NOL4L: variants seen among roughly 807,000 people sequenced by gnomAD.
NOL4L encodes nucleolar protein 4-like.
A neutral mutation model predicts 64.5 loss-of-function variants in NOL4L; 7 were observed. The observed-to-expected ratio is 0.11, with a 90% CI of 0.06 to 0.20. The LOEUF (loss-of-function observed/expected upper bound fraction) is 0.20. Among genes scored for constraint, NOL4L ranks in the 10% least tolerant of loss-of-function variants. The pLI, the probability that NOL4L is intolerant of heterozygous loss-of-function variation, is 1.00. For synonymous variants in NOL4L, 413 were observed against 401.0 expected (o/e 1.03, Z -0.36); for missense variants, 680 against 967.1 (o/e 0.70, Z 3.94).
chr20:32,506,772 A>T (rs1256782951), intron 4 of NOL4L, among the ~76,000 whole-genome samples: 1 of 152,108 alleles, frequency 6.6e-6, no homozygotes, highest in East Asian at 1.9e-4. Flanking sequence ...CTCTACTAAG[A>T]AGAGCTCACT....
At chr20:32,498,504 T>C (rs764189121) in intron 4 of NOL4L, among the ~76,000 whole-genome samples, 9 of 151,782 alleles carry the variant, frequency 5.9e-5, no homozygotes, top group Non-Finnish European at 1.2e-4. Flanking sequence ...GGCTCATGCC[T>C]GTCATTCCAG....
chr20:32,448,332 A>G (rs894015172), intron 10 of NOL4L, among the ~76,000 whole-genome samples: 1 of 151,982 alleles, frequency 6.6e-6, no homozygotes, highest in Admixed American at 6.5e-5. Flanking sequence ...AAAGCCCAGG[A>G]GGAGCTGAGA....
chr20:32,462,903 T>TAAAAAAAAAAAAAAAAAAAAAA (rs564168973), intron 5 of NOL4L, among the ~76,000 whole-genome samples: 2 of 76,656 alleles, frequency 2.6e-5, no homozygotes, highest in Admixed American at 1.7e-4. Flanking sequence ...GACTCTGTCT[T>TAAAAAAAAAAAAAAAAAAAAAA]AAAAAAAAAA....
intron 2 of NOL4L, 75 bp downstream of exon 2, chr20:32,527,683 C>A: frequency 2.7e-6 from 4 of 1,471,836 alleles, no homozygotes; most frequent in Non-Finnish European, 3.6e-6. Context: ...CCCCCCAAGC[C>A]CAACATGTGC....
At chr20:32,568,338 T>C (rs531908213) in intron 1 of NOL4L, among the ~76,000 whole-genome samples, 1 of 152,252 alleles carries the variant, frequency 6.6e-6, no homozygotes, top group East Asian at 1.9e-4. Flanking sequence ...TGATGAACAG[T>C]TCTTTGTGCA....
intron 3 of NOL4L, among the ~76,000 whole-genome samples, chr20:32,518,529 C>G (rs1568680272): frequency 6.6e-6 from 1 of 152,242 alleles, no homozygotes; most frequent in Non-Finnish European, 1.5e-5. Flanking sequence ...GGAATGCCCT[C>G]CATACTGCCG....
intron 3 of NOL4L, among the ~76,000 whole-genome samples, chr20:32,514,298 G>C (rs1289605210): frequency 6.6e-6 from 1 of 152,032 alleles, no homozygotes. Flanking sequence ...TGGGAGACCA[G>C]CCTGACCAAC....
chr20:32,498,054 A>T (rs293554), intron 4 of NOL4L, among the ~76,000 whole-genome samples: 3 of 152,034 alleles, frequency 2.0e-5, no homozygotes, highest in Non-Finnish European at 4.4e-5. Context: ...TCGCATTTGT[A>T]GGGGTGGAGG....
intron 4 of NOL4L, 118 bp downstream of exon 4, chr20:32,511,229 G>A: frequency 3.1e-6 from 2 of 652,824 alleles, no homozygotes; most frequent in Non-Finnish European, 2.7e-6. Flanking sequence ...CCAGATAAGG[G>A]CCTCTTTGAT....
chr20:32,580,725 G>C (rs1980413015), intron 1 of NOL4L, among the ~76,000 whole-genome samples: 1 of 152,160 alleles, frequency 6.6e-6, no homozygotes, highest in Non-Finnish European at 1.5e-5. Context: ...TCAACAAATG[G>C]AAACTTCCTC....
At chr20:32,505,350 G>A (rs1460013026) in intron 4 of NOL4L, among the ~76,000 whole-genome samples, 1 of 152,156 alleles carries the variant, frequency 6.6e-6, no homozygotes, top group East Asian at 1.9e-4. Flanking sequence ...ACAGATAAAT[G>A]CAGTAAACAA....
intron 1 of NOL4L, chr20:32,561,128 A>AT (rs1978990926): frequency 6.6e-6 from 1 of 152,332 alleles, no homozygotes; most frequent in Non-Finnish European, 1.5e-5. Context: ...CATCTCAAGG[A>AT]CCTTTTTTTC....
intron 1 of NOL4L, among the ~76,000 whole-genome samples, chr20:32,558,159 G>A (rs1978777666): frequency 6.6e-6 from 1 of 152,212 alleles, no homozygotes; most frequent in Admixed American, 6.5e-5. Context: ...AGCTTCCCGA[G>A]TTTGCACGAC....
intron 4 of NOL4L, 118 bp downstream of exon 4, chr20:32,511,229 G>T: frequency 1.5e-6 from 1 of 652,824 alleles, no homozygotes; most frequent in East Asian, 2.7e-5. Flanking sequence ...CCAGATAAGG[G>T]CCTCTTTGAT....
intron 1 of NOL4L, among the ~76,000 whole-genome samples, chr20:32,570,609 G>A (rs114451312): frequency 0.011 from 1,697 of 152,202 alleles, 33 homozygotes; most frequent in African/African-American, 0.039. Flanking sequence ...CTACTTCCTG[G>A]GGCCCAGCGG....
intron 1 of NOL4L, among the ~76,000 whole-genome samples, chr20:32,531,202 G>C (rs2018333526): frequency 6.6e-6 from 1 of 152,088 alleles, no homozygotes; most frequent in Non-Finnish European, 1.5e-5. Flanking sequence ...AATTGTTTCA[G>C]ACCAGAACAC....
intron 1 of NOL4L, among the ~76,000 whole-genome samples, chr20:32,577,017 T>C (rs766445051): frequency 2.6e-5 from 4 of 152,190 alleles, no homozygotes; most frequent in Non-Finnish European, 5.9e-5. Flanking sequence ...GACAGAGCCC[T>C]GGAGCTCCAG....
At chr20:32,455,764 G>A (rs1355912328) in intron 6 of NOL4L, among the ~76,000 whole-genome samples, 2 of 152,212 alleles carry the variant, frequency 1.3e-5, no homozygotes, top group Non-Finnish European at 2.9e-5. Flanking sequence ...GGGAGGCCTC[G>A]TACCTGGCTG....
chr20:32,564,022 C>A (rs768937976), intron 1 of NOL4L, among the ~76,000 whole-genome samples: 1 of 152,092 alleles, frequency 6.6e-6, no homozygotes, highest in African/African-American at 2.4e-5. Flanking sequence ...CTAATTTGCA[C>A]GAGAGGAGAC....
Sources: gnomAD v4.1 joint callset for allele counts (sites outside exome capture counted in the v4.1 genomes callset) on GRCh38, gnomAD v4.1.1 for gene constraint, MANE v1.5 for transcripts, NCBI Gene and HGNC (gene_info 2026-07-23, HGNC 2026-07-21) for gene names.